The following MAGI2 variants were observed in gnomAD, a reference collection of about 807,000 sequenced individuals.
MAGI2 encodes membrane associated guanylate kinase, WW and PDZ domain containing 2.
In MAGI2, 35 loss-of-function variants were observed where a neutral mutation model predicts 133.3. That is an observed-to-expected ratio of 0.26 (90% CI 0.20 to 0.35). The LOEUF is 0.35. Ranked by LOEUF, MAGI2 falls within the 10% of genes least tolerant of loss-of-function variation. MAGI2 has a pLI of 1.00. For synonymous variants in MAGI2, 729 were observed against 710.6 expected (o/e 1.03, Z -0.41); for missense variants, 1,636 against 1,863.4 (o/e 0.88, Z 2.25).
intron 2 of MAGI2, among the ~76,000 whole-genome samples, chr7:78,788,422 TA>T (rs1269018910): frequency 1.3e-5 from 2 of 152,200 alleles, no homozygotes; most frequent in Non-Finnish European, 2.9e-5. Flanking sequence ...ATTTCCATTT[TA>T]TTTGGTCTTT....
At chr7:79,235,588 C>T (rs146747433) in intron 1 of MAGI2, among the ~76,000 whole-genome samples, 2,277 of 152,270 alleles carry the variant, frequency 0.015, 55 homozygotes, top group African/African-American at 0.051. Context: ...TTGTTTGACT[C>T]GGAAAGGGAA....
chr7:78,330,926 C>T (rs2691530), intron 9 of MAGI2, among the ~76,000 whole-genome samples: 88,273 of 152,026 alleles, frequency 0.58, 25,965 homozygotes, highest in Middle Eastern at 0.63. Context: ...CTGAACGAAT[C>T]TGACATTGTC....
intron 2 of MAGI2, among the ~76,000 whole-genome samples, chr7:78,668,758 T>C (rs993239986): frequency 6.6e-6 from 1 of 151,552 alleles, no homozygotes; most frequent in Non-Finnish European, 1.5e-5. Flanking sequence ...GAACTCAGGA[T>C]TAAGAAACTC....
At chr7:78,622,226 A>C (rs1807823557) in intron 3 of MAGI2, among the ~76,000 whole-genome samples, 1 of 151,970 alleles carries the variant, frequency 6.6e-6, no homozygotes, top group South Asian at 2.1e-4. Flanking sequence ...TTTCAGTCTT[A>C]TGGATCCCAC....
rs957369164 is a variant in MAGI2 at position 79,453,249 on chromosome 7, C to G, written c.72G>C (p.Pro24=). 1.9e-6 allele frequency: 3 copies of G among 1,613,730 alleles called. No homozygotes were observed. Among genetic ancestry groups the G allele is most frequent in the Non-Finnish European group, 2.5e-6 (3 of 1,180,044 alleles). The change falls in exon 1 of 22, where the codon CCG becomes CCC. Residue 24 remains proline (P), a synonymous_variant. Transcript: ENST00000354212. ...TCAGTTCAAAGCCCAGCTGGCCCTC[C>G]GGGTTCCTGCCAATGACACTCTCAT... ...KVHESVIGRN[P]EGQLGFELKG...
At chr7:79,039,201 C>T (rs1811392000) in intron 1 of MAGI2, among the ~76,000 whole-genome samples, 1 of 152,044 alleles carries the variant, frequency 6.6e-6, no homozygotes, top group African/African-American at 2.4e-5. Context: ...CTTTCCCCAC[C>T]TTCGCTCTGC....
At chr7:79,037,086 A>G (rs1811196559) in intron 1 of MAGI2, among the ~76,000 whole-genome samples, 1 of 152,170 alleles carries the variant, frequency 6.6e-6, no homozygotes, top group East Asian at 1.9e-4. Context: ...CCAGCCAACC[A>G]TGATTTTTTG....
chr7:78,304,350 C>T (rs1798084178), intron 9 of MAGI2, among the ~76,000 whole-genome samples: 1 of 152,152 alleles, frequency 6.6e-6, no homozygotes, highest in African/African-American at 2.4e-5. Context: ...CCTACCTTTT[C>T]CTCTCCTGTT....
chr7:78,419,079 G>A (rs979649151), intron 6 of MAGI2, among the ~76,000 whole-genome samples: 5 of 152,086 alleles, frequency 3.3e-5, no homozygotes, highest in African/African-American at 4.8e-5. Flanking sequence ...AATTTCAGAA[G>A]GTGAATTACT....
chr7:78,210,276 T>C (rs1360520120), intron 10 of MAGI2, among the ~76,000 whole-genome samples: 5 of 152,174 alleles, frequency 3.3e-5, no homozygotes, highest in African/African-American at 7.2e-5. Flanking sequence ...GTAGACCTAA[T>C]TGAATGGCTC....
intron 14 of MAGI2, chr7:78,170,492 C>T (rs548869799): frequency 6.6e-6 from 1 of 152,172 alleles, no homozygotes; most frequent in Non-Finnish European, 1.5e-5. Context: ...GCCCAGGATA[C>T]TTTTAGGTGC....
At chr7:78,612,043 A>G (rs541519285) in intron 3 of MAGI2, among the ~76,000 whole-genome samples, 1 of 152,302 alleles carries the variant, frequency 6.6e-6, no homozygotes, top group Non-Finnish European at 1.5e-5. Context: ...ATCTACCTTC[A>G]TTTATTATTA....
intron 2 of MAGI2, among the ~76,000 whole-genome samples, chr7:78,642,201 GT>G (rs1183597725): frequency 1.3e-5 from 2 of 152,116 alleles, no homozygotes; most frequent in Non-Finnish European, 2.9e-5. Context: ...GGATAAAGCA[GT>G]ATTCACAGTA....
At chr7:79,401,842 T>C (rs1439402847) in intron 1 of MAGI2, among the ~76,000 whole-genome samples, 2 of 152,220 alleles carry the variant, frequency 1.3e-5, no homozygotes, top group East Asian at 1.9e-4. Context: ...GTTAAAGATA[T>C]AAGAAAAGGA....
At chr7:78,319,020 T>C (rs563112349) in intron 9 of MAGI2, among the ~76,000 whole-genome samples, 5 of 152,194 alleles carry the variant, frequency 3.3e-5, no homozygotes, top group African/African-American at 1.2e-4. Context: ...ACATAACAAA[T>C]TGTAAAGACC....
chr7:78,128,749 G>A (rs1337048291), intron 18 of MAGI2, among the ~76,000 whole-genome samples: 1 of 152,160 alleles, frequency 6.6e-6, no homozygotes, highest in East Asian at 1.9e-4. Flanking sequence ...GGTTAGTAAT[G>A]TAGTTATTTT....
In MAGI2 at chr7:78,209,018, C is replaced by T. The variant is rs563207595; in HGVS notation, c.2048-7825G>A. On this transcript the variant is annotated intron_variant, in intron 10 of 21. Coordinates refer to ENST00000354212, the MANE Select transcript of MAGI2 (RefSeq NM_012301.4). ...CAGGTGGATCACGAGGTCAGGAGAT[C>T]GAGACCATCTGGGCTAACACGGTGA... Among the ~76,000 whole-genome samples the T allele has an allele frequency of 9.9e-3, 1,491 of 149,856 alleles. 26 individuals are homozygous for T. The highest frequency in any genetic ancestry group is 0.033 in the African/African-American group (1,336 of 40,930).
intron 2 of MAGI2, among the ~76,000 whole-genome samples, chr7:78,831,406 C>CTT (rs200072939): frequency 7.5e-5 from 11 of 145,880 alleles, no homozygotes; most frequent in African/African-American, 2.2e-4. Flanking sequence ...TTAAAATTAT[C>CTT]TTTTTTTTTT....
chr7:78,256,529 T>C lies in MAGI2; in HGVS notation c.1461A>G (p.Ala487=). The stretch of plus-strand genomic sequence containing the variant: ...CAGACTGGAAAAGTTTGACAACATC[T>C]GCATGAGTGTGTCCAAGGACACAAA... ...NEVCVLGHTH[A]DVVKLFQSVP... is the part of the protein sequence containing the mutation. Residue 487 remains alanine (A), a synonymous_variant, in exon 10 of 22, where the codon GCA becomes GCG. Transcript: ENST00000354212. 6.2e-7 allele frequency: 1 copy of C among 1,613,852 alleles called. No individual in the cohort carries two copies. The highest frequency in any genetic ancestry group is 2.2e-5 in the East Asian group (1 of 44,780).
Sources: allele counts gnomAD v4.1 joint callset (sites outside exome capture counted in the v4.1 genomes callset), GRCh38; gene constraint gnomAD v4.1.1; transcripts MANE v1.5; gene names NCBI Gene and HGNC (gene_info 2026-07-23, HGNC 2026-07-21).